HEMK2: variants seen among roughly 807,000 people sequenced by gnomAD.
HEMK2 encodes methyltransferase HEMK2.
the HEMK2 span, among the ~76,000 whole-genome samples, chr21:28,592,496 T>A: frequency 6.6e-6 from 1 of 152,348 alleles, no homozygotes; most frequent in South Asian, 2.1e-4. Flanking sequence ...TAAAACAGCA[T>A]GTATTTATAA....
the HEMK2 span, among the ~76,000 whole-genome samples, chr21:28,727,338 T>C: frequency 6.6e-6 from 1 of 152,230 alleles, no homozygotes; most frequent in Non-Finnish European, 1.5e-5. Context: ...TTTTGCCTTA[T>C]GAAATTCAAA....
chr21:28,872,303 G>A, the HEMK2 span: 2 of 152,216 alleles, frequency 1.3e-5, no homozygotes, highest in African/African-American at 4.8e-5. Context: ...CACACGAGCT[G>A]AAGAGGCACG....
the HEMK2 span, among the ~76,000 whole-genome samples, chr21:28,636,556 T>G: frequency 6.6e-6 from 1 of 152,120 alleles, no homozygotes; most frequent in Non-Finnish European, 1.5e-5. Context: ...CAAATTTCCA[T>G]TCCCTCATGT....
At chr21:28,798,541 C>T in the HEMK2 span, among the ~76,000 whole-genome samples, 1 of 151,962 alleles carries the variant, frequency 6.6e-6, no homozygotes, top group Admixed American at 6.6e-5. Context: ...ATTTATCACC[C>T]ATAAAGTCTG....
At chr21:28,586,994 C>T in the HEMK2 span, among the ~76,000 whole-genome samples, 18 of 152,244 alleles carry the variant, frequency 1.2e-4, no homozygotes, top group East Asian at 3.1e-3. Context: ...CAGACCATAG[C>T]AGCATCTGTA....
At chr21:28,825,244 G>T in the HEMK2 span, among the ~76,000 whole-genome samples, 1 of 152,158 alleles carries the variant, frequency 6.6e-6, no homozygotes, top group Non-Finnish European at 1.5e-5. Flanking sequence ...AACACAAATT[G>T]CTGGGCACCA....
the HEMK2 span, among the ~76,000 whole-genome samples, chr21:28,580,908 G>A: frequency 6.6e-6 from 1 of 152,120 alleles, no homozygotes; most frequent in African/African-American, 2.4e-5. Context: ...TATATCCCCA[G>A]TTCCTAGTAT....
the HEMK2 span, among the ~76,000 whole-genome samples, chr21:28,790,087 TTCATGGCTAA>T: frequency 6.6e-6 from 1 of 152,170 alleles, no homozygotes; most frequent in African/African-American, 2.4e-5. Flanking sequence ...TCACAAACAC[TTCATGGCTAA>T]TCATTTTATA....
chr21:28,585,329 CTAAATAAA>C, the HEMK2 span, among the ~76,000 whole-genome samples: 4,132 of 141,372 alleles, frequency 0.029, 171 homozygotes, highest in African/African-American at 0.097. Flanking sequence ...AAGACTCTGT[CTAAATAAA>C]TAAATAAATA....
At chr21:28,667,620 C>T in the HEMK2 span, among the ~76,000 whole-genome samples, 1 of 151,890 alleles carries the variant, frequency 6.6e-6, no homozygotes, top group Admixed American at 6.6e-5. Flanking sequence ...TCTCATGTAA[C>T]TCATAAAATA....
the HEMK2 span, chr21:28,878,237 G>A: frequency 6.2e-7 from 1 of 1,602,538 alleles, no homozygotes; most frequent in East Asian, 2.2e-5. Flanking sequence ...AATCCTCTTG[G>A]TGAAAGGAGA....
chr21:28,769,151 A>T, the HEMK2 span, among the ~76,000 whole-genome samples: 1 of 152,108 alleles, frequency 6.6e-6, no homozygotes, highest in Non-Finnish European at 1.5e-5. Context: ...TGACTGGTCT[A>T]CTAGCTGACA....
chr21:28,877,362 A>T, the HEMK2 span, among the ~76,000 whole-genome samples: 3 of 148,890 alleles, frequency 2.0e-5, no homozygotes, highest in African/African-American at 7.4e-5. Flanking sequence ...AAAAAAAGAA[A>T]GAAGAGAAGG....
chr21:28,753,456 C>A, the HEMK2 span, among the ~76,000 whole-genome samples: 1 of 152,050 alleles, frequency 6.6e-6, no homozygotes, highest in Non-Finnish European at 1.5e-5. Context: ...TTGCATATGG[C>A]CAGAATAGAT....
At chr21:28,703,338 G>A in the HEMK2 span, among the ~76,000 whole-genome samples, 3 of 152,150 alleles carry the variant, frequency 2.0e-5, no homozygotes, top group Admixed American at 1.3e-4. Flanking sequence ...AAAAGGTGGG[G>A]GAAGGATGAT....
At chr21:28,791,228 T>C in the HEMK2 span, among the ~76,000 whole-genome samples, 1 of 152,144 alleles carries the variant, frequency 6.6e-6, no homozygotes, top group Non-Finnish European at 1.5e-5. Flanking sequence ...ATCAATATTT[T>C]AAAAAGTGAT....
At chr21:28,717,682 G>C in the HEMK2 span, among the ~76,000 whole-genome samples, 1 of 151,968 alleles carries the variant, frequency 6.6e-6, no homozygotes, top group South Asian at 2.1e-4. Context: ...GTTTCACCTT[G>C]TTGGCCAGGC....
the HEMK2 span, among the ~76,000 whole-genome samples, chr21:28,680,215 G>T: frequency 4.6e-5 from 7 of 151,912 alleles, no homozygotes; most frequent in Non-Finnish European, 8.8e-5. Flanking sequence ...ATGACAAAGG[G>T]GATATCACCA....
At chr21:28,690,347 A>G in the HEMK2 span, among the ~76,000 whole-genome samples, 1 of 152,212 alleles carries the variant, frequency 6.6e-6, no homozygotes, top group Non-Finnish European at 1.5e-5. Context: ...AATTGTGGCA[A>G]TCATCTGAAT....
Sources: gnomAD v4.1 joint callset for allele counts (sites outside exome capture counted in the v4.1 genomes callset) on GRCh38, gnomAD v4.1.1 for gene constraint, MANE v1.5 for transcripts, NCBI Gene and HGNC (gene_info 2026-07-23, HGNC 2026-07-21) for gene names.